The following CNTNAP2 variants were observed in gnomAD, a reference collection of about 807,000 sequenced individuals.
CNTNAP2 encodes contactin-associated protein-like 2.
Under a neutral mutation model 155.2 loss-of-function variants are expected in CNTNAP2, and 98 were observed. That is an observed-to-expected ratio of 0.63 (90% confidence interval 0.54 to 0.75). The LOEUF is 0.75. CNTNAP2 is among the 30% of genes least tolerant of loss of function. CNTNAP2 has a pLI of 0.00. For synonymous variants in CNTNAP2, 651 were observed against 631.2 expected, an observed-to-expected ratio of 1.03 and a Z score of -0.47; for missense variants, 1,727 against 1,688.1, an observed-to-expected ratio of 1.02 and a Z score of -0.40.
At chr7:148,271,768 TG>T (rs1266917924) in intron 21 of CNTNAP2, among the ~76,000 whole-genome samples, 1 of 152,246 alleles carries the variant, frequency 6.6e-6, no homozygotes, top group African/African-American at 2.4e-5. Context: ...TATGCTTAAA[TG>T]TCTCTTTGAA....
intron 1 of CNTNAP2, among the ~76,000 whole-genome samples, chr7:146,411,284 G>A (rs544162992): frequency 2.0e-4 from 30 of 151,822 alleles, no homozygotes; most frequent in African/African-American, 6.5e-4. Flanking sequence ...AGCCTCCTGA[G>A]TAGCTGGGAT....
chr7:147,122,486 A>G (rs1374927438), intron 6 of CNTNAP2: 2 of 152,200 alleles, frequency 1.3e-5, no homozygotes, highest in Non-Finnish European at 1.5e-5. Flanking sequence ...AACAACAGCA[A>G]TTATTACTAA....
chr7:147,256,227 T>C (rs1804322639), intron 8 of CNTNAP2, among the ~76,000 whole-genome samples: 1 of 152,098 alleles, frequency 6.6e-6, no homozygotes, highest in Admixed American at 6.6e-5. Context: ...CTATGGTTGG[T>C]GGGGAAGAAA....
chr7:146,499,026 T>C (rs1030706189), intron 1 of CNTNAP2, among the ~76,000 whole-genome samples: 1 of 152,206 alleles, frequency 6.6e-6, no homozygotes, highest in Non-Finnish European at 1.5e-5. Flanking sequence ...CAGCCTTCCA[T>C]ATAATTTCCT....
chr7:147,168,157 A>G (rs963330708), intron 8 of CNTNAP2, among the ~76,000 whole-genome samples: 2 of 149,558 alleles, frequency 1.3e-5, no homozygotes, highest in Non-Finnish European at 1.5e-5. Context: ...TCATGCATAT[A>G]TTTATACATA....
intron 13 of CNTNAP2, among the ~76,000 whole-genome samples, chr7:147,658,559 A>G (rs78595622): frequency 0.12 from 18,268 of 152,172 alleles, 1,418 homozygotes; most frequent in Middle Eastern, 0.24. Flanking sequence ...GTATTGCTGA[A>G]AGGACTGGAC....
chr7:146,709,467 G>A (rs891652822), intron 1 of CNTNAP2, among the ~76,000 whole-genome samples: 2 of 152,138 alleles, frequency 1.3e-5, no homozygotes, highest in Non-Finnish European at 2.9e-5. Flanking sequence ...CAGAAGTTTG[G>A]GGAACCTTAC....
chr7:146,832,502 T>C (rs1224528379), intron 2 of CNTNAP2, among the ~76,000 whole-genome samples: 1 of 148,106 alleles, frequency 6.8e-6, no homozygotes, highest in African/African-American at 2.5e-5. Flanking sequence ...TTATATATAG[T>C]GGTAAATTTT....
At chr7:147,749,518 A>AT (rs1420973252) in intron 13 of CNTNAP2, among the ~76,000 whole-genome samples, 3 of 152,186 alleles carry the variant, frequency 2.0e-5, no homozygotes, top group Non-Finnish European at 2.9e-5. Context: ...GTGTTGTAGC[A>AT]TTTCTATCCA....
At chr7:147,858,383 G>A (rs189673684) in intron 13 of CNTNAP2, among the ~76,000 whole-genome samples, 2 of 152,252 alleles carry the variant, frequency 1.3e-5, no homozygotes, top group South Asian at 2.1e-4. Context: ...CACTGCGCCC[G>A]GCCTAATCAA....
At chr7:146,910,894 G>A (rs995851935) in intron 3 of CNTNAP2, among the ~76,000 whole-genome samples, 155 of 150,784 alleles carry the variant, frequency 1.0e-3, no homozygotes, top group Non-Finnish European at 1.3e-3. Context: ...GAAAATTTTC[G>A]CAACCTACTC....
In CNTNAP2 at chr7:147,011,418, C is replaced by CAAAAAAAAAAAAAAAAAAAAAAAAAAA; in HGVS notation, c.403-32463_403-32462insAAAAAAAAAAAAAAAAAAAAAAAAAAA. On this transcript the variant is annotated intron_variant, in intron 3 of 23. Transcript: ENST00000361727. ...TGGACAACTGAATGACACTCCATCT[C>CAAAAAAAAAAAAAAAAAAAAAAAAAAA]AAAAAAAAAAAAAAAAAAAAAAAAA... Among the ~76,000 whole-genome samples the CAAAAAAAAAAAAAAAAAAAAAAAAAAA allele has an allele frequency of 1.5e-4, 2 of 13,258 alleles. 1 individual carries two copies. The highest frequency in any genetic ancestry group is 3.5e-4 in the Non-Finnish European group (2 of 5,642). The allele number at this position is 13,258 out of a possible 152,430, so 8.7% of individuals were successfully genotyped here.
intron 10 of CNTNAP2, among the ~76,000 whole-genome samples, chr7:147,418,586 A>C (rs564510175): frequency 2.5e-4 from 38 of 152,350 alleles, no homozygotes; most frequent in African/African-American, 8.9e-4. Context: ...TAGTCTAAAA[A>C]TGAGGGACAG....
At chr7:147,496,416 AT>A (rs1457947627) in intron 11 of CNTNAP2, among the ~76,000 whole-genome samples, 3 of 152,198 alleles carry the variant, frequency 2.0e-5, no homozygotes, top group African/African-American at 7.2e-5. Context: ...CTTACAGTGC[AT>A]TTTTGAAAAC....
chr7:148,064,004 T>G (rs1011721040), intron 15 of CNTNAP2, among the ~76,000 whole-genome samples: 3 of 152,166 alleles, frequency 2.0e-5, no homozygotes, highest in Non-Finnish European at 4.4e-5. Flanking sequence ...TCCCACTTTA[T>G]GTTTTTGTTT....
chr7:147,730,203 G>A (rs112671062), intron 13 of CNTNAP2, among the ~76,000 whole-genome samples: 16 of 152,174 alleles, frequency 1.1e-4, no homozygotes, highest in African/African-American at 3.9e-4. Flanking sequence ...CCAAGATCTT[G>A]AACAATTACG....
chr7:147,531,435 C>T (rs1799429217), intron 11 of CNTNAP2, among the ~76,000 whole-genome samples: 1 of 152,244 alleles, frequency 6.6e-6, no homozygotes, highest in Admixed American at 6.5e-5. Flanking sequence ...GGTTCCCAAA[C>T]CTCAATTCCT....
intron 15 of CNTNAP2, among the ~76,000 whole-genome samples, chr7:148,088,389 T>A (rs1376626033): frequency 6.6e-6 from 1 of 151,536 alleles, no homozygotes; most frequent in Non-Finnish European, 1.5e-5. Context: ...AAGTTGGTTT[T>A]CTGGAAAAAA....
At chr7:146,717,745 C>T (rs1801215841) in intron 1 of CNTNAP2, among the ~76,000 whole-genome samples, 1 of 151,884 alleles carries the variant, frequency 6.6e-6, no homozygotes, top group African/African-American at 2.4e-5. Context: ...ATGGTAGAAA[C>T]TTATATTAAT....
Sources: allele counts gnomAD v4.1 joint callset (sites outside exome capture counted in the v4.1 genomes callset), GRCh38; gene constraint gnomAD v4.1.1; transcripts MANE v1.5; gene names NCBI Gene and HGNC (gene_info 2026-07-23, HGNC 2026-07-21).